C2CD3: variants seen among roughly 807,000 people sequenced by gnomAD.
The protein encoded by C2CD3 is C2 domain-containing protein 3.
C2CD3 carries 148 observed loss-of-function variants against 234.0 expected under a neutral mutation model. That is an observed-to-expected ratio of 0.63 (90% CI 0.55 to 0.72). C2CD3 has a LOEUF of 0.72. Among genes scored for constraint, C2CD3 ranks in the 30% least tolerant of loss-of-function variants. C2CD3 has a pLI of 0.00. For synonymous variants in C2CD3, 1,000 were observed against 1,035.4 expected (o/e 0.97, Z 0.66); for missense variants, 2,577 against 2,811.5 (o/e 0.92, Z 1.89).
chr11:74,165,061 A>T (rs1204090784), intron 2 of C2CD3, among the ~76,000 whole-genome samples: 1 of 152,176 alleles, frequency 6.6e-6, no homozygotes, highest in African/African-American at 2.4e-5. Context: ...TCTGAGAGAG[A>T]CCTTTTCTCA....
In C2CD3 at chr11:74,113,785, T is replaced by C. The variant is rs1305133765; in HGVS notation, c.1838A>G (p.Asp613Gly). The C allele has an allele frequency of 3.8e-6, 6 of 1,583,786 alleles. No individual in the cohort carries two copies. Among genetic ancestry groups the C allele is most frequent in the Admixed American group, 1.7e-5 (1 of 59,890 alleles). Reference sequence around the variant, plus strand: ...AAAACCAGTGTGTCTCTTACTTCCATCTGTAATTTTACTGGAGGCGAGTCG... The same window carrying C: ...AAAACCAGTGTGTCTCTTACTTCCACCTGTAATTTTACTGGAGGCGAGTCG... Reference protein sequence around the residue: ...VVRLASSKITDGKVKFQQRFV... With the variant: ...VVRLASSKITGGKVKFQQRFV... The change falls in exon 11 of 33, where the codon GAT becomes GGT. Residue 613 changes from aspartate (D) to glycine (G), a missense_variant. Transcript: ENST00000334126.
chr11:74,125,846 T>C (rs1308116205), intron 7 of C2CD3, among the ~76,000 whole-genome samples: 2 of 152,178 alleles, frequency 1.3e-5, no homozygotes, highest in East Asian at 3.9e-4. Flanking sequence ...GGTCAATATA[T>C]GTTCCATTCC....
intron 32 of C2CD3, among the ~76,000 whole-genome samples, chr11:74,026,648 A>G (rs1374368064): frequency 1.3e-5 from 2 of 152,194 alleles, no homozygotes; most frequent in Admixed American, 1.3e-4. Context: ...AGGTGGTGTA[A>G]TAGAAGAACA....
Position 74,170,735 on chromosome 11 carries a change from T to C in C2CD3, c.55+3A>G. ...TTCCTCAATCTTTGATCGCTCAGGTTACCTCTTTTTTTGCGCCCACGGCTG... is the reference window on the plus strand; with the variant it reads ...TTCCTCAATCTTTGATCGCTCAGGTCACCTCTTTTTTTGCGCCCACGGCTG... On this transcript the variant is annotated splice_donor_region_variant and intron_variant, in intron 1 of 32. Transcript: ENST00000334126. The C allele has an allele frequency of 1.2e-6, 2 of 1,614,198 alleles. No homozygotes were observed. The highest frequency in any genetic ancestry group is 1.7e-6 in the Non-Finnish European group (2 of 1,180,026).
At chr11:74,047,130 A>G (rs1953417070) in intron 28 of C2CD3, among the ~76,000 whole-genome samples, 2 of 152,206 alleles carry the variant, frequency 1.3e-5, no homozygotes. Flanking sequence ...GTCTGACCTC[A>G]CAGCCCACTT....
chr11:74,091,153 G>T, intron 19 of C2CD3: 1 of 429,942 alleles, frequency 2.3e-6, no homozygotes. Flanking sequence ...AGAAATTATG[G>T]TTCAGAGATT....
At chr11:74,087,564 C>T (rs974086930) in intron 20 of C2CD3, among the ~76,000 whole-genome samples, 6 of 143,696 alleles carry the variant, frequency 4.2e-5, no homozygotes, top group Non-Finnish European at 7.6e-5. Flanking sequence ...AACTCCATCT[C>T]GAAAAAAAAA....
intron 24 of C2CD3, among the ~76,000 whole-genome samples, chr11:74,060,338 CCT>C (rs879408779): frequency 6.6e-6 from 1 of 152,196 alleles, no homozygotes; most frequent in East Asian, 1.9e-4. Flanking sequence ...GTCCCTGACC[CCT>C]GAGTAGCCTA....
chr11:74,073,608 AAAAC>A (rs1382444845), intron 24 of C2CD3, among the ~76,000 whole-genome samples: 1 of 151,474 alleles, frequency 6.6e-6, no homozygotes, highest in East Asian at 1.9e-4. Context: ...AAAAAAAATC[AAAAC>A]AAACAAAAAA....
At chr11:74,079,197 T>C (rs998228476) in intron 22 of C2CD3, among the ~76,000 whole-genome samples, 1 of 152,184 alleles carries the variant, frequency 6.6e-6, no homozygotes, top group African/African-American at 2.4e-5. Flanking sequence ...ATCAAGGGAA[T>C]CGGCACTTAG....
intron 32 of C2CD3, among the ~76,000 whole-genome samples, chr11:74,020,652 T>A (rs1952049601): frequency 6.6e-6 from 1 of 152,144 alleles, no homozygotes; most frequent in Non-Finnish European, 1.5e-5. Flanking sequence ...TAAGGCTGGC[T>A]CCCCAGGGAA....
rs762448463 is a variant in C2CD3, at chr11:74,075,494, TGGCA to T, written c.4604-898_4604-895del. ...GTTAAATAAACTGCCAACATCACTC[TGGCA>T]GTAAGTGGCAGATTTAAGCCCAGAG... On this transcript the variant is annotated intron_variant, in intron 23 of 32. Transcript: ENST00000334126. 4.8e-3 allele frequency among the ~76,000 whole-genome samples: 730 copies of T among 152,318 alleles called. 6 individuals carry two copies. Among genetic ancestry groups the T allele is most frequent in the South Asian group, 0.01 (49 of 4,822 alleles).
chr11:74,146,717 C>CAT (rs1855219072), intron 3 of C2CD3, among the ~76,000 whole-genome samples: 1 of 128,582 alleles, frequency 7.8e-6, no homozygotes, highest in African/African-American at 4.1e-5. Flanking sequence ...AAACCACACA[C>CAT]ACACACACAC....
Position 74,170,760 on chromosome 11 carries a change from G to A in C2CD3, c.33C>T (p.Gly11=). MKQRKGQGSG[G]SRGRKKRGLS... ...TACCTCTTTTTTTGCGCCCACGGCT[G>A]CCCCCAGACCCTTGGCCTTTTCGTT... The change falls in exon 1 of 33, where the codon GGC becomes GGT. Residue 11 remains glycine (G), a synonymous_variant. Transcript: ENST00000334126. 3 of 1,614,114 alleles carry A rather than the reference G, an allele frequency of 1.9e-6. No homozygotes were observed. The highest frequency in any genetic ancestry group is 2.5e-6 in the Non-Finnish European group (3 of 1,180,010).
At chr11:74,114,670 A>G in intron 9 of C2CD3, 77 bp from the exon 10 acceptor site, 1 of 950,568 alleles carries the variant, frequency 1.1e-6, no homozygotes. Flanking sequence ...CACAGGCAAG[A>G]TGAGGAAAAA....
At chr11:74,022,046 C>A (rs1325950893) in intron 32 of C2CD3, among the ~76,000 whole-genome samples, 2 of 151,886 alleles carry the variant, frequency 1.3e-5, no homozygotes, top group African/African-American at 4.8e-5. Flanking sequence ...GAATTGCTTG[C>A]ACTCGGGAGG....
At chr11:74,058,048 A>C (rs948359089) in intron 24 of C2CD3, among the ~76,000 whole-genome samples, 4 of 152,194 alleles carry the variant, frequency 2.6e-5, no homozygotes, top group African/African-American at 4.8e-5. Context: ...ATATTCTCCA[A>C]AAAGAAGTGA....
chr11:74,055,583 T>A (rs982818739), intron 25 of C2CD3, among the ~76,000 whole-genome samples: 2 of 152,228 alleles, frequency 1.3e-5, no homozygotes, highest in Admixed American at 6.5e-5. Flanking sequence ...TCAGAGATTC[T>A]AATTCTAGCT....
In C2CD3 at chr11:74,128,418, T is replaced by G. The variant is rs1957488722; in HGVS notation, c.1217+4426A>C. 2.0e-5 allele frequency: 3 copies of G among 152,358 alleles called. No homozygotes were observed. The South Asian group carries it at 6.2e-4, about 32-fold the overall frequency. The allele number at this position is 152,358 out of a possible 1,614,324, so 9.4% of individuals were successfully genotyped here. A position where few individuals can be genotyped will look rare whatever the true frequency, so the allele number is the denominator to read the frequency against. ...TCCAATTTATGTATCTTTTCTTGTT[T>G]GTGCTTTTGGTGTCATATCTAAGAA... On this transcript the variant is annotated intron_variant, in intron 7 of 32. Coordinates refer to ENST00000334126, the MANE Select transcript of C2CD3 (RefSeq NM_001286577.2).
Sources: gnomAD v4.1 joint callset for allele counts (sites outside exome capture counted in the v4.1 genomes callset) on GRCh38, gnomAD v4.1.1 for gene constraint, MANE v1.5 for transcripts, NCBI Gene and HGNC (gene_info 2026-07-23, HGNC 2026-07-21) for gene names.